The following USP50 variants were observed in gnomAD, a reference collection of about 807,000 sequenced individuals.
The protein encoded by USP50 is ubiquitin carboxyl-terminal hydrolase 50.
In USP50, 37 loss-of-function variants were observed where a neutral mutation model predicts 39.2. The ratio of observed to expected loss-of-function variants is 0.94; its 90% CI spans 0.73 to 1.24. The LOEUF (loss-of-function observed/expected upper bound fraction) is 1.24, where lower values mean the gene tolerates loss of function less well. Ranked by LOEUF, USP50 falls within the 50% of genes most tolerant of loss-of-function variation. The probability of loss-of-function intolerance (pLI) is 0.00; values close to 1 mark genes in which losing one functional copy is unlikely to be tolerated. For synonymous variants in USP50, 139 were observed against 144.5 expected, an observed-to-expected ratio of 0.96 and a Z score of 0.27; for missense variants, 374 against 398.2, an observed-to-expected ratio of 0.94 and a Z score of 0.52.
Position 50,500,758 on chromosome 15 carries a change from T to G in USP50, c.*11A>C. 6.3e-7 allele frequency: 1 copy of G among 1,581,010 alleles called. No individual in the cohort carries two copies. The highest frequency in any genetic ancestry group is 2.3e-5 in the East Asian group (1 of 43,752). On this transcript the variant is annotated 3_prime_UTR_variant, in exon 7 of 7. Transcript: ENST00000532404. Reference sequence around the variant, plus strand: ...TGGAATCTCACTGACTCGTGTGTTATCAAAGCTATATCAGGCCTGGGTGAC... The same window carrying G: ...TGGAATCTCACTGACTCGTGTGTTAGCAAAGCTATATCAGGCCTGGGTGAC...
chr15:50,506,957 C>CAAAA (rs58329541), intron 6 of USP50: 12 of 46,228 alleles, frequency 2.6e-4, no homozygotes, highest in African/African-American at 5.7e-4. Context: ...GACTTCATCT[C>CAAAA]AAAAAAAAAA....
At chr15:50,512,219 T>A (rs138231367) in intron 6 of USP50, 1 of 151,722 alleles carries the variant, frequency 6.6e-6, no homozygotes, top group East Asian at 2.0e-4. Context: ...TCCCAGCTAC[T>A]CGGGAGGCTG....
At chr15:50,495,782 T>G, downstream of USP50, 1 of 1,305,712 alleles carries the variant, frequency 7.7e-7, no homozygotes. Context: ...GTATTCACTT[T>G]TATTCTTTCA....
downstream of USP50, chr15:50,496,843 C>T (rs868375662): frequency 3.3e-5 from 11 of 332,906 alleles, no homozygotes; most frequent in Middle Eastern, 7.9e-4. Flanking sequence ...CTCTGATTGA[C>T]CAGGTTAGGG....
At chr15:50,493,377 C>A (rs761805390), downstream of USP50, 1 of 519,534 alleles carries the variant, frequency 1.9e-6, no homozygotes, top group Non-Finnish European at 3.8e-6. Flanking sequence ...CATCAAGAAC[C>A]CATTTTACCT....
chr15:50,521,989 C>G (rs938219583), intron 6 of USP50, among the ~76,000 whole-genome samples: 27 of 151,906 alleles, frequency 1.8e-4, no homozygotes, highest in African/African-American at 6.5e-4. Context: ...CAAAAGAGGA[C>G]ACATTACAAT....
intron 5 of USP50, among the ~76,000 whole-genome samples, chr15:50,537,245 AAAGAAG>A (rs138918804): frequency 6.7e-6 from 1 of 150,354 alleles, no homozygotes; most frequent in Non-Finnish European, 1.5e-5. Flanking sequence ...GCGAAAAAAA[AAAGAAG>A]AAGAAGAAGA....
intron 6 of USP50, chr15:50,506,197 A>G (rs2052655736): frequency 6.6e-6 from 1 of 152,434 alleles, no homozygotes; most frequent in South Asian, 2.1e-4. Context: ...AGGGGAAAAC[A>G]ACACAGCAGA....
Position 50,529,876 on chromosome 15 carries a change from G to T in USP50, c.857C>A (p.Pro286Gln), listed in dbSNP as rs1318653770. The T allele has an allele frequency of 6.2e-6, 10 of 1,613,986 alleles. No homozygotes were observed. Among genetic ancestry groups the T allele is most frequent in the Non-Finnish European group, 8.5e-6 (10 of 1,179,870 alleles). ...AGGAGTGAGGTCCAAGTTAGTGAGTGGGTAATGAATATCCGTTCTCAGCTT... is the reference window on the plus strand; with the variant it reads ...AGGAGTGAGGTCCAAGTTAGTGAGTTGGTAATGAATATCCGTTCTCAGCTT... ...KRKLRTDIHY[P>Q]LTNLDLTPYI... is the part of the protein sequence containing the mutation. The change falls in exon 6 of 7, where the codon CCA becomes CAA. Residue 286 changes from proline to glutamine, a missense_variant. Coordinates refer to ENST00000532404, the MANE Select transcript of USP50 (RefSeq NM_203494.5).
intron 6 of USP50, chr15:50,502,134 G>GTC (rs1265157312): frequency 6.6e-6 from 1 of 152,194 alleles, no homozygotes. Flanking sequence ...TTGAGATGGA[G>GTC]TCTCTCTCTG....
chr15:50,545,570 G>GTA (rs2053064647), intron 1 of USP50, among the ~76,000 whole-genome samples: 1 of 150,592 alleles, frequency 6.6e-6, no homozygotes, highest in South Asian at 2.1e-4. Context: ...GTATATATTT[G>GTA]TATATATATG....
In USP50 at chr15:50,539,390, T is replaced by TG. The variant is rs555006389; in HGVS notation, c.661-540dup. 1.7e-3 allele frequency among the ~76,000 whole-genome samples: 225 copies of TG among 130,478 alleles called. 2 individuals carry two copies. The highest frequency in any genetic ancestry group is 6.3e-3 in the African/African-American group (210 of 33,566). The allele number at this position is 130,478 out of a possible 152,430, so 85.6% of individuals were successfully genotyped here. A position where few individuals can be genotyped will look rare whatever the true frequency, so the allele number is the denominator to read the frequency against. ...CTATACATCAGCATTTTAACTTTTC[T>TG]GTTTTTTTTTTTCAGAATAATACTG... On this transcript the variant is annotated intron_variant, in intron 4 of 6. Transcript: ENST00000532404.
rs539754891 is a variant in USP50 at position 50,525,579 on chromosome 15, T to C, written c.936+4218A>G. On this transcript the variant is annotated intron_variant, in intron 6 of 6. Transcript: ENST00000532404. ...GTGTATATATGTATATATGTATATG[T>C]ATATATGTATATGTATATATGTATA... is the stretch of plus-strand genomic sequence containing the variant. 3.2e-3 allele frequency among the ~76,000 whole-genome samples: 463 copies of C among 144,656 alleles called. 4 individuals carry two copies. The highest frequency in any genetic ancestry group is 6.1e-3 in the Non-Finnish European group (403 of 66,556). The allele number at this position is 144,656 out of a possible 152,430, so 94.9% of individuals were successfully genotyped here.
At chr15:50,496,794 T>TA (rs1595993643), downstream of USP50, 2 of 238,616 alleles carry the variant, frequency 8.4e-6, no homozygotes, top group Non-Finnish European at 1.6e-5. Context: ...CCTTTAGTCT[T>TA]AAAGTACCTC....
rs947788243 is a variant in USP50 at position 50,530,664 on chromosome 15, A to G, written c.804-735T>C. On this transcript the variant is annotated intron_variant, in intron 5 of 6. Transcript: ENST00000532404. ...CTTATAAATTACTTTTTTCTTATCT[A>G]TTTAAATACCGCATCCACAAGCCTC... Among the ~76,000 whole-genome samples the G allele has an allele frequency of 1.6e-4, 24 of 152,100 alleles. No homozygotes were observed. The South Asian group carries it at 2.7e-3, about 17-fold the overall frequency.
At chr15:50,531,939 G>A in intron 5 of USP50, 4 of 320,132 alleles carry the variant, frequency 1.2e-5, no homozygotes, top group Non-Finnish European at 2.5e-5. Context: ...AAAGAGCAGT[G>A]AGGTCACAGG....
intron 6 of USP50, among the ~76,000 whole-genome samples, chr15:50,523,014 T>G (rs1036521718): frequency 6.6e-6 from 1 of 151,732 alleles, no homozygotes; most frequent in Non-Finnish European, 1.5e-5. Context: ...GAGAAAGAAA[T>G]AAAAGGCACG....
chr15:50,541,412 T>C, intron 3 of USP50, 148 bp from the exon 4 acceptor site: 1 of 659,464 alleles, frequency 1.5e-6, no homozygotes, highest in East Asian at 2.7e-5. Flanking sequence ...ACTTGGGAGG[T>C]TGAGGTTGGA....
chr15:50,544,858 AT>A, intron 1 of USP50, 77 bp from the exon 2 acceptor site: 1 of 1,359,144 alleles, frequency 7.4e-7, no homozygotes, highest in Non-Finnish European at 1.0e-6. Context: ...TTCTCTTAAT[AT>A]TATGAAATAA....
Sources: allele counts gnomAD v4.1 joint callset (sites outside exome capture counted in the v4.1 genomes callset), GRCh38; gene constraint gnomAD v4.1.1; transcripts MANE v1.5; gene names NCBI Gene and HGNC (gene_info 2026-07-23, HGNC 2026-07-21).